PTPRN2: variants seen among roughly 807,000 people sequenced by gnomAD.
The protein encoded by PTPRN2 is protein tyrosine phosphatase receptor type N2.
PTPRN2 carries 74 observed loss-of-function variants against 118.8 expected under a neutral mutation model. That is an observed-to-expected ratio of 0.62 (90% CI 0.52 to 0.76). The LOEUF is 0.76. Among genes scored for constraint, PTPRN2 ranks in the 30% least tolerant of loss-of-function variants. The pLI, the probability that PTPRN2 is intolerant of heterozygous loss-of-function variation, is 0.00. For synonymous variants in PTPRN2, 641 were observed against 608.0 expected (o/e 1.05, Z -0.80); for missense variants, 1,481 against 1,394.4 (o/e 1.06, Z -0.99).
At position 157,576,744 on chromosome 7, in the gene PTPRN2, G is replaced by A; in HGVS notation, c.2652C>T (p.Asp884=). Residue 884 remains aspartate, a synonymous_variant, in exon 19 of 23, where the codon GAC becomes GAT. Coordinates refer to ENST00000389418, the MANE Select transcript of PTPRN2 (RefSeq NM_002847.5). ...NLVSEHIWCE[D]FLVRSFYLKN... ...TCAGATAGAAGCTCCTCACCAGGAA[G>A]TCCTCACACCAGATGTGCTCGGAGA... 1 of 1,608,934 alleles carries A rather than the reference G, an allele frequency of 6.2e-7. No homozygotes were observed. The highest frequency in any genetic ancestry group is 1.1e-5 in the South Asian group (1 of 89,978).
intron 1 of PTPRN2, among the ~76,000 whole-genome samples, chr7:158,547,539 T>G (rs1040688064): frequency 6.6e-6 from 1 of 152,242 alleles, no homozygotes; most frequent in Non-Finnish European, 1.5e-5. Context: ...GCACCCATGC[T>G]GTCGCAGAGG....
intron 12 of PTPRN2, among the ~76,000 whole-genome samples, chr7:157,805,826 T>C (rs1177983955): frequency 6.6e-6 from 1 of 151,700 alleles, no homozygotes; most frequent in Non-Finnish European, 1.5e-5. Flanking sequence ...GGACATGGAG[T>C]GTCTGTGTGA....
At position 158,125,710 on chromosome 7, in the gene PTPRN2, G is replaced by A. The variant is rs570101250; in HGVS notation, c.1556+7967C>T. On this transcript the variant is annotated intron_variant, in intron 9 of 22. Coordinates refer to ENST00000389418, the MANE Select transcript of PTPRN2 (RefSeq NM_002847.5). ...TCAGGAGGGGCCTCTACAGAGGTGA[G>A]GACTGCGCTTTCTGAACAGGAAGTC... 9.8e-5 allele frequency among the ~76,000 whole-genome samples: 15 copies of A among 152,318 alleles called. No homozygotes were observed. In the South Asian group the frequency reaches 2.9e-3, roughly 29 times the overall value.
chr7:157,573,710 C>A (rs1021509949), intron 19 of PTPRN2, among the ~76,000 whole-genome samples: 5 of 152,214 alleles, frequency 3.3e-5, no homozygotes, highest in African/African-American at 1.2e-4. Context: ...ATGCTCCTAG[C>A]CAGTGAATTT....
chr7:157,832,052 T>G (rs962778285), intron 12 of PTPRN2, among the ~76,000 whole-genome samples: 1 of 151,974 alleles, frequency 6.6e-6, no homozygotes, highest in Non-Finnish European at 1.5e-5. Flanking sequence ...TTCTCCGGGG[T>G]GGAGGCACTT....
chr7:157,608,738 A>C (rs1476747919), intron 15 of PTPRN2, among the ~76,000 whole-genome samples: 1 of 152,170 alleles, frequency 6.6e-6, no homozygotes, highest in Non-Finnish European at 1.5e-5. Flanking sequence ...AAGCCAGGGC[A>C]GGCCCACGCG....
chr7:158,223,437 T>C (rs755366223), intron 3 of PTPRN2, among the ~76,000 whole-genome samples: 15 of 152,106 alleles, frequency 9.9e-5, no homozygotes, highest in Middle Eastern at 3.4e-3. Flanking sequence ...TATTAGCAAA[T>C]AAAATCCAGC....
chr7:158,222,427 C>T (rs1828442444), intron 3 of PTPRN2, among the ~76,000 whole-genome samples: 1 of 152,184 alleles, frequency 6.6e-6, no homozygotes, highest in Non-Finnish European at 1.5e-5. Flanking sequence ...TTTGCAGCAA[C>T]ATAGATGCAG....
chr7:157,835,114 A>G (rs1584820993), intron 12 of PTPRN2, among the ~76,000 whole-genome samples: 1 of 152,322 alleles, frequency 6.6e-6, no homozygotes, highest in Non-Finnish European at 1.5e-5. Flanking sequence ...AGCTGAAAAT[A>G]TGGTTTCAGT....
At chr7:157,595,465 G>GGGTTAGGAAGCCAGGA in intron 16 of PTPRN2, 150 bp from the exon 17 acceptor site, 12 of 627,182 alleles carry the variant, frequency 1.9e-5, no homozygotes, top group Admixed American at 3.1e-5. Context: ...GGAAACCTGG[G>GGGTTAGGAAGCCAGGA]GGTTAGGAAG....
intron 2 of PTPRN2, among the ~76,000 whole-genome samples, chr7:158,332,327 A>T (rs1210845800): frequency 3.9e-4 from 19 of 48,138 alleles, no homozygotes; most frequent in Middle Eastern, 0.01. Context: ...TCACCATAAG[A>T]GCTGAGGCCC....
intron 12 of PTPRN2, among the ~76,000 whole-genome samples, chr7:157,835,201 A>G (rs929328442): frequency 6.6e-6 from 1 of 152,222 alleles, no homozygotes; most frequent in Non-Finnish European, 1.5e-5. Flanking sequence ...TGGCTGGAAG[A>G]GAACTCTGCT....
At chr7:158,248,117 G>A (rs780722996) in intron 3 of PTPRN2, among the ~76,000 whole-genome samples, 4 of 152,216 alleles carry the variant, frequency 2.6e-5, no homozygotes, top group Non-Finnish European at 5.9e-5. Context: ...AAGCTTCTAA[G>A]ATGAAATCCT....
rs1458426818 is a variant in PTPRN2, at chr7:157,676,295, G to A, written c.2001+6430C>T. On this transcript the variant is annotated intron_variant, in intron 13 of 22. Coordinates refer to ENST00000389418, the MANE Select transcript of PTPRN2 (RefSeq NM_002847.5). This position sits in a 1 kb window ranked among gnomAD's most constrained non-coding sequence, Gnocchi z 5.6. ...TGGCTCCAGCACCTGCCCCAGCCACGCCTCCATCTCCCGCCAGCCGCCAAG... is the reference window on the plus strand; with the variant it reads ...TGGCTCCAGCACCTGCCCCAGCCACACCTCCATCTCCCGCCAGCCGCCAAG... Among the ~76,000 whole-genome samples, 1 of 151,922 alleles carries A rather than the reference G, an allele frequency of 6.6e-6. No homozygotes were observed. The highest frequency in any genetic ancestry group is 1.5e-5 in the Non-Finnish European group (1 of 67,966).
intron 3 of PTPRN2, among the ~76,000 whole-genome samples, chr7:158,264,935 C>G (rs184891549): frequency 6.6e-6 from 1 of 152,076 alleles, no homozygotes. Context: ...TGCCTTTACA[C>G]GAAGAGCCCC....
In PTPRN2 at chr7:158,032,120, T is replaced by A. The variant is rs528197586; in HGVS notation, c.1723+49178A>T. 3.9e-5 allele frequency among the ~76,000 whole-genome samples: 6 copies of A among 152,342 alleles called. No homozygotes were observed. In the South Asian group the frequency reaches 1.2e-3, roughly 32 times the overall value. ...TGCTGTGTGGAGTCTTCGGCTTCCC[T>A]TTCGGAAACCTGCCCCCACGCCTGG... On this transcript the variant is annotated intron_variant, in intron 11 of 22. Coordinates refer to ENST00000389418, the MANE Select transcript of PTPRN2 (RefSeq NM_002847.5).
At chr7:157,898,243 T>G (rs1048822719) in intron 12 of PTPRN2, among the ~76,000 whole-genome samples, 1 of 152,254 alleles carries the variant, frequency 6.6e-6, no homozygotes, top group African/African-American at 2.4e-5. Context: ...TGTTTTATAT[T>G]GCCTCTCCCA....
At chr7:158,435,270 A>AT (rs1239494312) in intron 2 of PTPRN2, among the ~76,000 whole-genome samples, 3 of 152,228 alleles carry the variant, frequency 2.0e-5, no homozygotes, top group Non-Finnish European at 2.9e-5. Context: ...AAATAACCTG[A>AT]TTTTTTAAAC....
At chr7:157,563,698 G>A (rs187078774) in intron 21 of PTPRN2, among the ~76,000 whole-genome samples, 252 of 139,680 alleles carry the variant, frequency 1.8e-3, no homozygotes, top group Admixed American at 4.6e-3. Flanking sequence ...TCAGGACCAC[G>A]TGCTCCCACA....
Sources: gnomAD v4.1 joint callset for allele counts (sites outside exome capture counted in the v4.1 genomes callset) on GRCh38, gnomAD v4.1.1 for gene constraint, Gnocchi (gnomAD v3.1) non-coding constraint, MANE v1.5 for transcripts, NCBI Gene and HGNC (gene_info 2026-07-23, HGNC 2026-07-21) for gene names.